Variants in RPL39L observed in about 807,000 individuals in gnomAD.
RPL39L encodes ribosomal protein L39 like.
For missense variants in RPL39L, 48 were observed against 58.9 expected (o/e 0.81, Z 0.61); for synonymous variants, 16 against 20.1 (o/e 0.80, Z 0.55).
chr3:187,125,544 T>C (rs887481610), intron 2 of RPL39L, among the ~76,000 whole-genome samples: 1 of 152,016 alleles, frequency 6.6e-6, no homozygotes, highest in African/African-American at 2.4e-5. Flanking sequence ...CTGCTGCCTG[T>C]TGACCACTAC....
At chr3:187,137,584 G>A (rs1404511937) in intron 1 of RPL39L, among the ~76,000 whole-genome samples, 9 of 151,920 alleles carry the variant, frequency 5.9e-5, no homozygotes, top group Non-Finnish European at 1.2e-4. Context: ...AGGCTGATGC[G>A]GGCAGATCAT....
At chr3:187,133,762 A>T (rs1003346334) in intron 1 of RPL39L, among the ~76,000 whole-genome samples, 4 of 152,148 alleles carry the variant, frequency 2.6e-5, no homozygotes, top group African/African-American at 9.7e-5. Context: ...GGATATTGAG[A>T]AAATCCCTCT....
Position 187,121,326 on chromosome 3 carries a change from C to T in RPL39L, c.-26G>A. 6.2e-7 allele frequency: 1 copy of T among 1,612,856 alleles called. No individual in the cohort carries two copies. The highest frequency in any genetic ancestry group is 1.1e-5 in the South Asian group (1 of 90,940). Reference sequence around the variant, plus strand: ...GGCGAGAAACAGAGTCAACCACACACCACTATGGCGGAGAAAGGGAGAGAG... The same window carrying T: ...GGCGAGAAACAGAGTCAACCACACATCACTATGGCGGAGAAAGGGAGAGAG... On this transcript the variant is annotated splice_region_variant and 5_prime_UTR_variant, in exon 3 of 3. It adds an upstream start codon to the 5' untranslated region. Transcript: ENST00000296277.
chr3:187,138,739 C>G (rs1052370789), intron 1 of RPL39L, among the ~76,000 whole-genome samples: 2 of 152,114 alleles, frequency 1.3e-5, no homozygotes, highest in Non-Finnish European at 2.9e-5. Context: ...AAGCTAGAAA[C>G]AGGGGGTGCC....
chr3:187,138,765 A>G (rs1245786563), intron 1 of RPL39L, among the ~76,000 whole-genome samples: 1 of 152,156 alleles, frequency 6.6e-6, no homozygotes, highest in East Asian at 1.9e-4. Flanking sequence ...GGCCTCCAGA[A>G]GCCACTACTG....
At chr3:187,135,493 A>G (rs912430904) in intron 1 of RPL39L, among the ~76,000 whole-genome samples, 5 of 152,186 alleles carry the variant, frequency 3.3e-5, no homozygotes, top group African/African-American at 1.2e-4. Flanking sequence ...TCATCCATGT[A>G]AGATGTGACT....
intron 2 of RPL39L, among the ~76,000 whole-genome samples, chr3:187,125,625 G>C (rs1720384063): frequency 6.6e-6 from 1 of 150,478 alleles, no homozygotes; most frequent in Admixed American, 6.7e-5. Flanking sequence ...TCCCCCATTC[G>C]ACCACCTGCT....
At chr3:187,137,534 C>T (rs1318656183) in intron 1 of RPL39L, among the ~76,000 whole-genome samples, 3 of 151,458 alleles carry the variant, frequency 2.0e-5, no homozygotes, top group Non-Finnish European at 2.9e-5. Context: ...AAAAATTGGC[C>T]GGGTGCGGTG....
chr3:187,122,152 T>C (rs1720321345), intron 2 of RPL39L, among the ~76,000 whole-genome samples: 1 of 152,242 alleles, frequency 6.6e-6, no homozygotes, highest in Admixed American at 6.5e-5. Flanking sequence ...ATTATCAAAA[T>C]TGACCACATT....
At chr3:187,130,326 A>G (rs1044741897) in intron 1 of RPL39L, among the ~76,000 whole-genome samples, 1 of 152,190 alleles carries the variant, frequency 6.6e-6, no homozygotes, top group Non-Finnish European at 1.5e-5. Flanking sequence ...CACCAATCTA[A>G]TAGTTTGGAT....
intron 1 of RPL39L, among the ~76,000 whole-genome samples, chr3:187,134,820 C>T (rs77126179): frequency 0.011 from 1,658 of 152,310 alleles, 11 homozygotes; most frequent in Middle Eastern, 0.027. Flanking sequence ...TTTCTCAGTG[C>T]CAGGAGGAAT....
In RPL39L at chr3:187,122,662, G is replaced by T. The variant is rs117464331; in HGVS notation, c.-28-1334C>A. Among the ~76,000 whole-genome samples, 31 of 152,258 alleles carry T rather than the reference G, an allele frequency of 2.0e-4. No individual in the cohort carries two copies. The East Asian group carries it at 5.0e-3, about 25-fold the overall frequency. ...ACCGGCTTTTAAGGAGCTTTACTAG[G>T]TATCTCTCTCAATACCTTTGATTAC... is the stretch of plus-strand genomic sequence containing the variant. On this transcript the variant is annotated intron_variant, in intron 2 of 2. Transcript: ENST00000296277.
chr3:187,130,448 G>A (rs776288481), intron 1 of RPL39L, among the ~76,000 whole-genome samples: 19 of 152,154 alleles, frequency 1.2e-4, no homozygotes, highest in Admixed American at 1.3e-4. Flanking sequence ...TGGTGCTGCC[G>A]TCGTGACAGT....
chr3:187,127,895 C>T (rs1318117031), intron 2 of RPL39L, 104 bp downstream of exon 2: 1 of 152,138 alleles, frequency 6.6e-6, no homozygotes, highest in Non-Finnish European at 1.5e-5. Context: ...TTAAAAATAT[C>T]TACAAAACTA....
chr3:187,129,251 G>A (rs777567127), intron 1 of RPL39L, among the ~76,000 whole-genome samples: 35 of 152,158 alleles, frequency 2.3e-4, no homozygotes, highest in African/African-American at 8.2e-4. Flanking sequence ...GTAGAACAAC[G>A]GGTTTTAGTA....
intron 1 of RPL39L, among the ~76,000 whole-genome samples, 173 bp downstream of exon 1, chr3:187,139,040 G>A (rs1579417112): frequency 6.6e-6 from 1 of 150,788 alleles, no homozygotes; most frequent in South Asian, 2.1e-4. Context: ...CCTGGGCGAC[G>A]GAGGGAGACC....
Position 187,139,455 on chromosome 3 carries a change from G to C in RPL39L, c.-335C>G, listed in dbSNP as rs1234027501. 1 of 152,214 alleles carries C rather than the reference G, an allele frequency of 6.6e-6. No homozygotes were observed. The highest frequency in any genetic ancestry group is 1.5e-5 in the Non-Finnish European group (1 of 68,044). 9.4% of individuals were successfully genotyped at this position (152,214 alleles called of 1,614,324 possible). A position where few individuals can be genotyped will look rare whatever the true frequency, so the allele number is the denominator to read the frequency against. On this transcript the variant is annotated 5_prime_UTR_variant, in exon 1 of 3. Transcript: ENST00000296277. ...GCGTTCGGAGGCGGTTGCCTCGCTG[G>C]GCGCAGCAATTCAACCGCCGCGCGC...
chr3:187,131,240 G>A (rs1191287867), intron 1 of RPL39L, among the ~76,000 whole-genome samples: 1 of 152,164 alleles, frequency 6.6e-6, no homozygotes, highest in Non-Finnish European at 1.5e-5. Context: ...CATTTTGGGA[G>A]GCTGAGGCAG....
intron 1 of RPL39L, among the ~76,000 whole-genome samples, chr3:187,128,806 G>A (rs889194764): frequency 2.0e-5 from 3 of 152,224 alleles, no homozygotes; most frequent in African/African-American, 7.2e-5. Flanking sequence ...CTTCCCTGTG[G>A]CAAGCTATTG....
Sources: gnomAD v4.1 joint callset for allele counts (sites outside exome capture counted in the v4.1 genomes callset) on GRCh38, gnomAD v4.1.1 for gene constraint, MANE v1.5 for transcripts, NCBI Gene and HGNC (gene_info 2026-07-23, HGNC 2026-07-21) for gene names.